Variants in GNAL observed in about 807,000 individuals in gnomAD.
GNAL encodes guanine nucleotide-binding protein G(olf) subunit alpha.
GNAL carries 18 observed loss-of-function variants against 55.1 expected under a neutral mutation model. That is an observed-to-expected ratio of 0.33 (90% CI 0.23 to 0.48). The LOEUF is 0.48. Among genes scored for constraint, GNAL ranks in the 20% least tolerant of loss-of-function variants. The pLI, the probability that GNAL is intolerant of heterozygous loss-of-function variation, is 0.99. For missense variants in GNAL, 412 were observed against 614.1 expected (o/e 0.67, Z 3.48); for synonymous variants, 253 against 237.0 (o/e 1.07, Z -0.62).
chr18:11,821,868 C>T (rs894743808), intron 4 of GNAL, among the ~76,000 whole-genome samples: 1 of 152,248 alleles, frequency 6.6e-6, no homozygotes, highest in African/African-American at 2.4e-5. Context: ...ACAAGGGCCT[C>T]CCGCCTCCCT....
At chr18:11,713,642 C>T (rs765905375) in intron 1 of GNAL, among the ~76,000 whole-genome samples, 1 of 152,028 alleles carries the variant, frequency 6.6e-6, no homozygotes, top group Non-Finnish European at 1.5e-5. Context: ...TATATTCAGT[C>T]CCTCAACACA....
intron 5 of GNAL, among the ~76,000 whole-genome samples, chr18:11,831,084 T>C (rs2035372430): frequency 6.6e-6 from 1 of 152,160 alleles, no homozygotes. Context: ...TTTGTGAATA[T>C]ACTGAAACCA....
intron 1 of GNAL, among the ~76,000 whole-genome samples, chr18:11,713,013 G>A (rs890787577): frequency 1.3e-5 from 2 of 152,150 alleles, no homozygotes; most frequent in Admixed American, 1.3e-4. Context: ...CACCATATGG[G>A]GCAACTGCGC....
chr18:11,715,188 G>T (rs538451739), intron 1 of GNAL, among the ~76,000 whole-genome samples: 2 of 151,568 alleles, frequency 1.3e-5, no homozygotes, highest in African/African-American at 4.8e-5. Flanking sequence ...GGCCGGGCGC[G>T]GTGGCTCACG....
At chr18:11,770,559 GTTAT>G (rs1403696587) in intron 4 of GNAL, among the ~76,000 whole-genome samples, 8 of 151,966 alleles carry the variant, frequency 5.3e-5, no homozygotes, top group Non-Finnish European at 1.2e-4. Flanking sequence ...AAAAATAACA[GTTAT>G]TTGAGTTTTC....
intron 1 of GNAL, among the ~76,000 whole-genome samples, chr18:11,738,775 C>T (rs1458145524): frequency 6.6e-6 from 1 of 152,052 alleles, no homozygotes; most frequent in African/African-American, 2.4e-5. Context: ...AGCAGTTATT[C>T]CCCAGGGTAA....
intron 1 of GNAL, among the ~76,000 whole-genome samples, chr18:11,692,655 G>C (rs552590402): frequency 6.6e-6 from 1 of 150,472 alleles, no homozygotes; most frequent in African/African-American, 2.4e-5. Flanking sequence ...GGTGGCTCAC[G>C]CCTGTAATCC....
At chr18:11,829,979 T>C (rs143805224) in intron 5 of GNAL, among the ~76,000 whole-genome samples, 26 of 152,278 alleles carry the variant, frequency 1.7e-4, no homozygotes, top group African/African-American at 6.0e-4. Flanking sequence ...TACTCCAGCC[T>C]GGGCAAGAGA....
At chr18:11,800,284 A>G (rs917360481) in intron 4 of GNAL, among the ~76,000 whole-genome samples, 2 of 152,154 alleles carry the variant, frequency 1.3e-5, no homozygotes, top group South Asian at 4.1e-4. Context: ...TAAATAAGAT[A>G]AGATGACGAG....
Position 11,864,620 on chromosome 18 carries a change from T to A in GNAL, c.851+14T>A, listed in dbSNP as rs776369502. ...AGTAAACTTCCAGTGAGTATGTTGTTAAGAGCTGCATGGCCCAGGGCCACA... is the reference window on the plus strand; with the variant it reads ...AGTAAACTTCCAGTGAGTATGTTGTAAAGAGCTGCATGGCCCAGGGCCACA... On this transcript the variant is annotated intron_variant, in intron 7 of 11. Coordinates refer to ENST00000334049, the MANE Select transcript of GNAL (RefSeq NM_182978.4). The A allele has an allele frequency of 7.0e-7, 1 of 1,420,900 alleles. No individual in the cohort carries two copies. The highest frequency in any genetic ancestry group is 2.3e-5 in the East Asian group (1 of 43,980). 88.0% of individuals were successfully genotyped at this position (1,420,900 alleles called of 1,614,324 possible).
At chr18:11,862,259 AAAGT>A (rs2036164021) in intron 5 of GNAL, 132 bp from the exon 6 acceptor site, 1 of 603,236 alleles carries the variant, frequency 1.7e-6, no homozygotes, top group Non-Finnish European at 3.1e-6. Flanking sequence ...TTCAGGAAAC[AAAGT>A]AAGAACTCAC....
chr18:11,812,405 C>G (rs2034839175), intron 4 of GNAL, among the ~76,000 whole-genome samples: 1 of 152,050 alleles, frequency 6.6e-6, no homozygotes, highest in Non-Finnish European at 1.5e-5. Flanking sequence ...CGTTTCTGCC[C>G]CAGGCCTCAA....
intron 5 of GNAL, chr18:11,857,665 C>T (rs2036039013): frequency 1.0e-6 from 1 of 984,956 alleles, no homozygotes; most frequent in Non-Finnish European, 1.2e-6. Flanking sequence ...TTCAGCTGCA[C>T]ATGCTGACGC....
intron 5 of GNAL, among the ~76,000 whole-genome samples, chr18:11,858,096 C>A (rs909695316): frequency 1.3e-5 from 2 of 152,150 alleles, no homozygotes; most frequent in African/African-American, 4.8e-5. Context: ...CCTTGTTCCT[C>A]TTCATGATCA....
intron 1 of GNAL, among the ~76,000 whole-genome samples, chr18:11,727,379 T>C (rs76882316): frequency 0.014 from 2,050 of 151,496 alleles, 14 homozygotes; most frequent in Non-Finnish European, 0.022. Context: ...AGCTACCTTT[T>C]CAAATAAATG....
intron 5 of GNAL, among the ~76,000 whole-genome samples, chr18:11,860,535 T>G (rs2036108318): frequency 6.6e-6 from 1 of 152,128 alleles, no homozygotes; most frequent in South Asian, 2.1e-4. Flanking sequence ...AGCATACACA[T>G]TTTATTTAAT....
intron 1 of GNAL, among the ~76,000 whole-genome samples, chr18:11,744,256 A>T (rs2032640984): frequency 3.9e-5 from 6 of 152,256 alleles, no homozygotes; most frequent in Admixed American, 3.9e-4. Context: ...TGACACTTCT[A>T]AAAGCTCCTT....
chr18:11,740,105 G>A (rs2032544760), intron 1 of GNAL, among the ~76,000 whole-genome samples: 1 of 149,792 alleles, frequency 6.7e-6, no homozygotes. Context: ...TTATTTATCT[G>A]TCTGTTGTTG....
At position 11,769,023 on chromosome 18, in the gene GNAL, TA is replaced by T. The variant is rs1447538479; in HGVS notation, c.624+15080del. 9.4e-3 allele frequency among the ~76,000 whole-genome samples: 960 copies of T among 102,374 alleles called. 46 individuals carry two copies. The highest frequency in any genetic ancestry group is 0.013 in the Non-Finnish European group (741 of 56,402). 67.2% of individuals were successfully genotyped at this position (102,374 alleles called of 152,430 possible). A position where few individuals can be genotyped will look rare whatever the true frequency, so the allele number is the denominator to read the frequency against. ...TATAGAATATATATATTCTATATTA[TA>T]ATATATTATATATAATATATAATAT... is the stretch of plus-strand genomic sequence containing the variant. On this transcript the variant is annotated intron_variant, in intron 4 of 11. Coordinates refer to ENST00000334049, the MANE Select transcript of GNAL (RefSeq NM_182978.4).
Sources: allele counts gnomAD v4.1 joint callset (sites outside exome capture counted in the v4.1 genomes callset), GRCh38; gene constraint gnomAD v4.1.1; transcripts MANE v1.5; gene names NCBI Gene and HGNC (gene_info 2026-07-23, HGNC 2026-07-21).